The following CAMKMT variants were observed in gnomAD, a reference collection of about 807,000 sequenced individuals.
CAMKMT encodes CaM KMT.
CAMKMT carries 53 observed loss-of-function variants against 48.0 expected under a neutral mutation model. That is an observed-to-expected ratio of 1.10 (90% CI 0.89 to 1.39). The LOEUF (loss-of-function observed/expected upper bound fraction) is 1.39, where lower values mean the gene tolerates loss of function less well. Ranked by LOEUF, CAMKMT falls within the 40% of genes most tolerant of loss-of-function variation. The pLI, the probability that CAMKMT is intolerant of heterozygous loss-of-function variation, is 0.00. For missense variants in CAMKMT, 428 were observed against 402.7 expected (o/e 1.06, Z -0.54); for synonymous variants, 165 against 152.3 (o/e 1.08, Z -0.61).
intron 7 of CAMKMT, among the ~76,000 whole-genome samples, chr2:44,734,813 A>G (rs1558825703): frequency 6.6e-6 from 1 of 152,218 alleles, no homozygotes; most frequent in Non-Finnish European, 1.5e-5. Context: ...ATTTGAAAAG[A>G]ACATCTGTTC....
At chr2:44,722,169 CTTTTTTCTTTTTTTT>C (rs1017438151) in intron 7 of CAMKMT, among the ~76,000 whole-genome samples, 1 of 77,940 alleles carries the variant, frequency 1.3e-5, no homozygotes, top group African/African-American at 5.0e-5. Context: ...TTTCCTTTTT[CTTTTTTCTTTTTTTT>C]TTTTTTTTTC....
chr2:44,438,676 CTCAGGTGTGTGTTTTTTG>C (rs1449348313), intron 3 of CAMKMT, among the ~76,000 whole-genome samples: 1 of 152,046 alleles, frequency 6.6e-6, no homozygotes, highest in Non-Finnish European at 1.5e-5. Flanking sequence ...CACTGAACTA[CTCAGGTGTGTGTTTTTTG>C]TTTGTTTGTT....
At chr2:44,471,175 G>A (rs147169411) in intron 3 of CAMKMT, among the ~76,000 whole-genome samples, 3,902 of 151,852 alleles carry the variant, frequency 0.026, 165 homozygotes, top group African/African-American at 0.089. Context: ...ATTTTTAGTA[G>A]AGACGGGGTT....
At chr2:44,559,534 C>A (rs1189747204) in intron 3 of CAMKMT, among the ~76,000 whole-genome samples, 1 of 144,826 alleles carries the variant, frequency 6.9e-6, no homozygotes, top group Admixed American at 7.2e-5. Flanking sequence ...CTAAGAATTT[C>A]TATTTTACAT....
At chr2:44,769,650 T>G (rs1036511749) in intron 10 of CAMKMT, among the ~76,000 whole-genome samples, 2 of 136,566 alleles carry the variant, frequency 1.5e-5, no homozygotes, top group Admixed American at 7.0e-5. Context: ...ATGCCGTGGG[T>G]TTTTTTTTTA....
At chr2:44,606,429 A>G (rs1424256623) in intron 3 of CAMKMT, among the ~76,000 whole-genome samples, 3 of 152,136 alleles carry the variant, frequency 2.0e-5, no homozygotes, top group African/African-American at 4.8e-5. Context: ...TTCCCACTCA[A>G]TGTTGGAAGA....
intron 3 of CAMKMT, among the ~76,000 whole-genome samples, chr2:44,430,832 A>T (rs1034872541): frequency 2.0e-5 from 3 of 152,194 alleles, no homozygotes; most frequent in African/African-American, 7.2e-5. Flanking sequence ...TCCAGAAGCA[A>T]GGAATTAAGT....
At chr2:44,474,876 C>G (rs1366029195) in intron 3 of CAMKMT, among the ~76,000 whole-genome samples, 1 of 152,186 alleles carries the variant, frequency 6.6e-6, no homozygotes, top group Non-Finnish European at 1.5e-5. Context: ...GCTCCTCATA[C>G]TAATAACTTT....
chr2:44,485,377 C>T (rs894915376), intron 3 of CAMKMT, among the ~76,000 whole-genome samples: 1 of 152,172 alleles, frequency 6.6e-6, no homozygotes, highest in Non-Finnish European at 1.5e-5. Flanking sequence ...AATGAATCAA[C>T]TATTTCCACA....
rs144934487 is a variant in CAMKMT at position 44,388,404 on chromosome 2, A to T, written c.312-1837A>T. On this transcript the variant is annotated intron_variant, in intron 2 of 10. Transcript: ENST00000378494. ...TATTTCCTTGAATGTTTCTGCCTTC[A>T]CTTCTTATATTGTTCTTTTGGATTT... Among the ~76,000 whole-genome samples the T allele has an allele frequency of 2.0e-5, 3 of 151,730 alleles. No homozygotes were observed. The East Asian group carries it at 5.8e-4, about 29-fold the overall frequency.
chr2:44,409,198 A>C (rs1683020893), intron 3 of CAMKMT, among the ~76,000 whole-genome samples: 5 of 111,040 alleles, frequency 4.5e-5, no homozygotes, highest in Admixed American at 1.1e-4. Flanking sequence ...TTGCTACATA[A>C]AGACAACTAG....
chr2:44,744,459 C>A (rs1679839758), intron 8 of CAMKMT, among the ~76,000 whole-genome samples: 1 of 152,086 alleles, frequency 6.6e-6, no homozygotes, highest in African/African-American at 2.4e-5. Flanking sequence ...TGTATTTCTT[C>A]ATGCAGTTTG....
At chr2:44,368,813 T>C (rs1356647643) in intron 1 of CAMKMT, among the ~76,000 whole-genome samples, 1 of 152,210 alleles carries the variant, frequency 6.6e-6, no homozygotes, top group African/African-American at 2.4e-5. Context: ...TAAGCTCTGT[T>C]GAGTAGTTTG....
chr2:44,603,679 T>C (rs1055351562), intron 3 of CAMKMT, among the ~76,000 whole-genome samples: 1 of 152,138 alleles, frequency 6.6e-6, no homozygotes, highest in African/African-American at 2.4e-5. Flanking sequence ...TTCCTGGAAT[T>C]GGAGTTACTT....
At chr2:44,563,944 A>G (rs955437217) in intron 3 of CAMKMT, among the ~76,000 whole-genome samples, 1 of 152,178 alleles carries the variant, frequency 6.6e-6, no homozygotes, top group African/African-American at 2.4e-5. Context: ...ATACATGTGC[A>G]TATGTCTTTA....
chr2:44,554,644 G>A (rs1176451081), intron 3 of CAMKMT, among the ~76,000 whole-genome samples: 1 of 152,114 alleles, frequency 6.6e-6, no homozygotes, highest in Non-Finnish European at 1.5e-5. Context: ...TCTGAGGTGG[G>A]AGGATCACTT....
intron 3 of CAMKMT, among the ~76,000 whole-genome samples, chr2:44,681,908 A>G (rs1676038024): frequency 6.6e-6 from 1 of 152,212 alleles, no homozygotes; most frequent in African/African-American, 2.4e-5. Context: ...CAAGATATAC[A>G]TGTGACTGTC....
chr2:44,503,637 A>G (rs1670111401), intron 3 of CAMKMT, among the ~76,000 whole-genome samples: 1 of 152,166 alleles, frequency 6.6e-6, no homozygotes, highest in Admixed American at 6.6e-5. Flanking sequence ...TGAGAAAAAG[A>G]GGAAAAAAGA....
chr2:44,397,822 A>G (rs1036170409), intron 3 of CAMKMT, among the ~76,000 whole-genome samples: 14 of 152,218 alleles, frequency 9.2e-5, no homozygotes, highest in African/African-American at 1.2e-4. Flanking sequence ...ACTTGGTGCT[A>G]TCATGGGAAC....
Sources: allele counts gnomAD v4.1 joint callset (sites outside exome capture counted in the v4.1 genomes callset), GRCh38; gene constraint gnomAD v4.1.1; transcripts MANE v1.5; gene names NCBI Gene and HGNC (gene_info 2026-07-23, HGNC 2026-07-21).